CDH2: variants seen among roughly 807,000 people sequenced by gnomAD.
The protein encoded by CDH2 is cadherin-2.
In CDH2, 17 loss-of-function variants were observed where a neutral mutation model predicts 92.0. The observed-to-expected ratio is 0.18, with a 90% CI of 0.13 to 0.28. The LOEUF (loss-of-function observed/expected upper bound fraction) is 0.28. Among genes scored for constraint, CDH2 ranks in the 10% least tolerant of loss-of-function variants. CDH2 has a pLI of 1.00. For synonymous variants in CDH2, 419 were observed against 415.9 expected (o/e 1.01, Z -0.09); for missense variants, 862 against 1,133.1 (o/e 0.76, Z 3.44).
intron 1 of CDH2, among the ~76,000 whole-genome samples, chr18:28,161,669 C>T (rs930474002): frequency 2.0e-5 from 3 of 151,816 alleles, no homozygotes; most frequent in Non-Finnish European, 4.4e-5. Flanking sequence ...ATGCCCATCT[C>T]GCCCTCTGAG....
At chr18:28,155,309 G>A (rs1231718375) in intron 1 of CDH2, among the ~76,000 whole-genome samples, 1 of 152,050 alleles carries the variant, frequency 6.6e-6, no homozygotes, top group African/African-American at 2.4e-5. Context: ...AGGTCTTTAG[G>A]ATTGTTGTGA....
rs189724828 is a variant in CDH2, at chr18:27,994,727, G to T, written c.1021-1090C>A. 2.0e-5 allele frequency among the ~76,000 whole-genome samples: 3 copies of T among 152,038 alleles called. No homozygotes were observed. In the East Asian group the frequency reaches 5.8e-4, roughly 29 times the overall value. On this transcript the variant is annotated intron_variant, in intron 7 of 15. Coordinates refer to ENST00000269141, the MANE Select transcript of CDH2 (RefSeq NM_001792.5). ...GAATGGCCATTCTTAAGGGATTTCT[G>T]GAGCTTAGATAGAACACACACAAAT...
intron 2 of CDH2, among the ~76,000 whole-genome samples, chr18:28,084,407 C>G (rs1471549927): frequency 2.0e-5 from 3 of 152,096 alleles, no homozygotes; most frequent in Non-Finnish European, 4.4e-5. Context: ...AGAGTCACCA[C>G]CATTTCAGGA....
At chr18:28,066,294 A>G (rs2014505331) in intron 2 of CDH2, among the ~76,000 whole-genome samples, 1 of 152,224 alleles carries the variant, frequency 6.6e-6, no homozygotes, top group African/African-American at 2.4e-5. Context: ...TATAAACTTC[A>G]AAATGCAAAT....
intron 14 of CDH2, among the ~76,000 whole-genome samples, chr18:27,974,142 A>C (rs953755122): frequency 3.9e-5 from 6 of 152,162 alleles, no homozygotes; most frequent in Non-Finnish European, 8.8e-5. Flanking sequence ...AAGCAATATA[A>C]AACTGTCTTA....
intron 2 of CDH2, among the ~76,000 whole-genome samples, chr18:28,117,594 G>A (rs555360272): frequency 4.9e-4 from 74 of 152,224 alleles, no homozygotes; most frequent in African/African-American, 1.7e-3. Context: ...TAGCCTCAAA[G>A]GAAGATGAAT....
chr18:28,071,378 G>A (rs554277179), intron 2 of CDH2, among the ~76,000 whole-genome samples: 1 of 152,130 alleles, frequency 6.6e-6, no homozygotes, highest in African/African-American at 2.4e-5. Flanking sequence ...CTGCTCCTTG[G>A]AGATGAAGCA....
intron 15 of CDH2, among the ~76,000 whole-genome samples, chr18:27,963,070 G>T (rs2011449339): frequency 6.6e-6 from 1 of 151,512 alleles, no homozygotes; most frequent in Non-Finnish European, 1.5e-5. Context: ...TTGTAATCTA[G>T]GAAAAAAAAT....
intron 2 of CDH2, among the ~76,000 whole-genome samples, chr18:28,040,591 C>T (rs1407885208): frequency 6.6e-6 from 1 of 152,170 alleles, no homozygotes; most frequent in Non-Finnish European, 1.5e-5. Flanking sequence ...AAAATGGCAA[C>T]TGCTGGAAAA....
At chr18:28,058,452 C>A (rs1033824503) in intron 2 of CDH2, among the ~76,000 whole-genome samples, 3 of 152,194 alleles carry the variant, frequency 2.0e-5, no homozygotes, top group African/African-American at 7.2e-5. Flanking sequence ...CCCCTCCAGG[C>A]TCACGCAACT....
intron 5 of CDH2, among the ~76,000 whole-genome samples, chr18:28,009,465 T>A (rs2013033006): frequency 6.6e-6 from 1 of 152,226 alleles, no homozygotes; most frequent in Non-Finnish European, 1.5e-5. Flanking sequence ...AGTATCAATA[T>A]GTAAAGAGTA....
intron 2 of CDH2, among the ~76,000 whole-genome samples, chr18:28,060,690 G>A (rs1211156897): frequency 6.6e-6 from 1 of 152,134 alleles, no homozygotes; most frequent in Non-Finnish European, 1.5e-5. Context: ...AGTTGGCTTA[G>A]TTTTGGGAGA....
At chr18:28,071,603 A>G (rs1367684286) in intron 2 of CDH2, among the ~76,000 whole-genome samples, 2 of 152,158 alleles carry the variant, frequency 1.3e-5, no homozygotes, top group Admixed American at 6.5e-5. Flanking sequence ...AACCTATTTT[A>G]TTGCTAAATA....
At chr18:27,995,313 CAAA>C (rs34313496) in intron 7 of CDH2, among the ~76,000 whole-genome samples, 11 of 80,244 alleles carry the variant, frequency 1.4e-4, no homozygotes, top group African/African-American at 3.4e-4. Context: ...GACTCCATCT[CAAA>C]AAAAAAAAAA....
chr18:28,040,019 A>T (rs1326686271), intron 2 of CDH2, among the ~76,000 whole-genome samples: 1 of 152,218 alleles, frequency 6.6e-6, no homozygotes, highest in Non-Finnish European at 1.5e-5. Flanking sequence ...ACTGAACACA[A>T]ATAAAATTTG....
chr18:28,116,217 T>C (rs1447360128), intron 2 of CDH2, among the ~76,000 whole-genome samples: 1 of 151,944 alleles, frequency 6.6e-6, no homozygotes, highest in African/African-American at 2.4e-5. Flanking sequence ...GGTAGGTGTA[T>C]TTTTTTTGAA....
chr18:27,938,910 T>A (rs1909077189), intron 6 of CDH2, among the ~76,000 whole-genome samples: 1 of 152,192 alleles, frequency 6.6e-6, no homozygotes, highest in Admixed American at 6.5e-5. Context: ...TAGCAAGGAA[T>A]TCAAATGTTC....
chr18:28,064,665 TAA>T (rs34869452), intron 2 of CDH2, among the ~76,000 whole-genome samples: 1 of 139,136 alleles, frequency 7.2e-6, no homozygotes, highest in Admixed American at 7.2e-5. Context: ...AAGCCCCAAT[TAA>T]AAAAAAAAAA....
At chr18:28,124,798 G>C (rs2155766) in intron 2 of CDH2, among the ~76,000 whole-genome samples, 6,882 of 152,250 alleles carry the variant, frequency 0.045, 182 homozygotes, top group South Asian at 0.083. Context: ...ATATGGGTTT[G>C]GCCACTAAAT....
Sources: gnomAD v4.1 joint callset for allele counts (sites outside exome capture counted in the v4.1 genomes callset) on GRCh38, gnomAD v4.1.1 for gene constraint, MANE v1.5 for transcripts, NCBI Gene and HGNC (gene_info 2026-07-23, HGNC 2026-07-21) for gene names.